The following AGAP1 variants were observed in gnomAD, a reference collection of about 807,000 sequenced individuals.
The protein encoded by AGAP1 is ArfGAP with GTPase domain, ankyrin repeat and PH domain 1.
A neutral mutation model predicts 105.3 loss-of-function variants in AGAP1; 29 were observed. The ratio of observed to expected loss-of-function variants is 0.28; its 90% confidence interval spans 0.21 to 0.38. The LOEUF (loss-of-function observed/expected upper bound fraction) is 0.38. AGAP1 is among the 10% of genes least tolerant of loss of function. The pLI is 1.00. For missense variants in AGAP1, 998 were observed against 1,165.1 expected, an observed-to-expected ratio of 0.86 and a Z score of 2.09; for synonymous variants, 509 against 485.9, an observed-to-expected ratio of 1.05 and a Z score of -0.63.
intron 1 of AGAP1, among the ~76,000 whole-genome samples, chr2:235,676,503 TTGTAGGATC>T (rs1948744041): frequency 6.6e-6 from 1 of 152,214 alleles, no homozygotes; most frequent in South Asian, 2.1e-4. Context: ...GAGCTGGATC[TTGTAGGATC>T]TGTAGGAGTT....
Position 235,723,866 on chromosome 2 carries a change from G to A in AGAP1, c.310+6222G>A, listed in dbSNP as rs1951515739. 6.6e-6 allele frequency among the ~76,000 whole-genome samples: 1 copy of A among 152,142 alleles called. No homozygotes were observed. Among genetic ancestry groups the A allele is most frequent in the African/African-American group, 2.4e-5 (1 of 41,444 alleles). On this transcript the variant is annotated intron_variant, in intron 3 of 17. Coordinates refer to ENST00000304032, the MANE Select transcript of AGAP1 (RefSeq NM_001037131.3). The surrounding 1 kb of genome is among the most constrained non-coding windows in gnomAD (Gnocchi z 6.2). ...CCAAGCTGCAAAATGAAAGTACCGA[G>A]AGGAAGGTGGGCCATCTGAGAGCCG...
rs2058229386 is a variant in AGAP1, at chr2:236,062,510, C to CT, written c.2114+13230dup. Among the ~76,000 whole-genome samples, 1 of 151,982 alleles carries CT rather than the reference C, an allele frequency of 6.6e-6. No individual in the cohort carries two copies. Among genetic ancestry groups the CT allele is most frequent in the African/African-American group, 2.4e-5 (1 of 41,334 alleles). On this transcript the variant is annotated intron_variant, in intron 16 of 17. Coordinates refer to ENST00000304032, the MANE Select transcript of AGAP1 (RefSeq NM_001037131.3). The surrounding 1 kb of genome is among the most constrained non-coding windows in gnomAD (Gnocchi z 4.2). ...TTTTTTTTAGAAACAGAATCTCACT[C>CT]TATCACACAGGCTTGAATGCAGTGG... is the stretch of plus-strand genomic sequence containing the variant.
intron 1 of AGAP1, among the ~76,000 whole-genome samples, chr2:235,688,658 C>T (rs1215257348): frequency 1.3e-5 from 2 of 152,186 alleles, no homozygotes; most frequent in Admixed American, 1.3e-4. Flanking sequence ...TTCAGATTTT[C>T]GTCATGACCA....
intron 1 of AGAP1, among the ~76,000 whole-genome samples, chr2:235,645,877 T>A (rs1947367009): frequency 6.6e-6 from 1 of 152,202 alleles, no homozygotes. Context: ...GAATTATAGC[T>A]TGAGATAAGG....
At chr2:236,112,589 A>G (rs556368602) in intron 16 of AGAP1, among the ~76,000 whole-genome samples, 64 of 152,126 alleles carry the variant, frequency 4.2e-4, no homozygotes, top group Non-Finnish European at 8.2e-4. Context: ...CTGTCTGTGC[A>G]GCACCTGCTT....
chr2:235,702,994 C>G (rs1950335087), intron 1 of AGAP1, among the ~76,000 whole-genome samples: 1 of 135,768 alleles, frequency 7.4e-6, no homozygotes, highest in South Asian at 2.6e-4. Flanking sequence ...GTGGCGCAAT[C>G]TCAGCTCACT....
At chr2:235,678,658 G>T (rs995842455) in intron 1 of AGAP1, among the ~76,000 whole-genome samples, 9 of 151,992 alleles carry the variant, frequency 5.9e-5, no homozygotes, top group African/African-American at 2.2e-4. Context: ...CTTCTCTCAG[G>T]GGGTAGTTTT....
At chr2:235,917,146 T>C (rs1490700970) in intron 11 of AGAP1, among the ~76,000 whole-genome samples, 1 of 152,182 alleles carries the variant, frequency 6.6e-6, no homozygotes, top group Non-Finnish European at 1.5e-5. Flanking sequence ...AAAGGAATCC[T>C]TTCCCCTTCT....
chr2:236,106,551 G>A (rs550589162), intron 16 of AGAP1, among the ~76,000 whole-genome samples: 1 of 152,366 alleles, frequency 6.6e-6, no homozygotes, highest in East Asian at 1.9e-4. Context: ...GCTTCGAGAA[G>A]GGTGGGCTCT....
At chr2:235,630,265 G>A (rs1379803559) in intron 1 of AGAP1, among the ~76,000 whole-genome samples, 1 of 152,054 alleles carries the variant, frequency 6.6e-6, no homozygotes, top group Non-Finnish European at 1.5e-5. Flanking sequence ...CCAGGCTGGA[G>A]TGCAATGGCA....
intron 1 of AGAP1, among the ~76,000 whole-genome samples, chr2:235,644,181 A>G (rs537230842): frequency 3.2e-4 from 49 of 152,242 alleles, no homozygotes; most frequent in Non-Finnish European, 5.9e-4. Flanking sequence ...GTGGTTGGGA[A>G]GTACTGGATG....
At position 235,568,154 on chromosome 2, in the gene AGAP1, C is replaced by T. The variant is rs1944406380; in HGVS notation, c.163+73305C>T. 2.6e-5 allele frequency among the ~76,000 whole-genome samples: 4 copies of T among 152,224 alleles called. No individual in the cohort carries two copies. The South Asian group carries it at 8.3e-4, about 32-fold the overall frequency. On this transcript the variant is annotated intron_variant, in intron 1 of 17. Coordinates refer to ENST00000304032, the MANE Select transcript of AGAP1 (RefSeq NM_001037131.3). ...TGGACAGCATCCTGAGCTGCAGCCT[C>T]CATGAAAGGAGGCCCCTGAAGGTGG...
rs115318764 is a variant in AGAP1, at chr2:235,518,416, C to G, written c.163+23567C>G. 8.8e-3 allele frequency among the ~76,000 whole-genome samples: 1,333 copies of G among 152,300 alleles called. 19 individuals carry two copies. Among genetic ancestry groups the G allele is most frequent in the African/African-American group, 0.031 (1,283 of 41,564 alleles). The stretch of plus-strand genomic sequence containing the variant: ...ATAAAATTGGCAATCAACCAAATTC[C>G]TTACCTCTCAAATTGCCTCTTCTGA... On this transcript the variant is annotated intron_variant, in intron 1 of 17. Transcript: ENST00000304032.
rs1000629746 is a variant in AGAP1 at position 235,777,281 on chromosome 2, C to T, written c.674-20478C>T. Among the ~76,000 whole-genome samples the T allele has an allele frequency of 2.6e-5, 4 of 152,096 alleles. No individual in the cohort carries two copies. The highest frequency in any genetic ancestry group is 4.4e-5 in the Non-Finnish European group (3 of 68,020). ...AGGAGAATCACTTGAGCCTGGGAGG[C>T]GGAGGTTGCAGTGAGCCGAGATTGC... On this transcript the variant is annotated intron_variant, in intron 6 of 17. Coordinates refer to ENST00000304032, the MANE Select transcript of AGAP1 (RefSeq NM_001037131.3). The surrounding 1 kb of genome is among the most constrained non-coding windows in gnomAD (Gnocchi z 5.1).
intron 9 of AGAP1, among the ~76,000 whole-genome samples, chr2:235,873,951 A>G (rs2049578150): frequency 6.6e-6 from 1 of 150,500 alleles, no homozygotes. Context: ...CTGGTCTCAA[A>G]CTCCTGGACT....
chr2:236,112,894 T>C (rs1372320450), intron 16 of AGAP1, among the ~76,000 whole-genome samples: 2 of 150,908 alleles, frequency 1.3e-5, no homozygotes, highest in Non-Finnish European at 3.0e-5. Flanking sequence ...CTGCTTCCGC[T>C]CTGCAGCCCT....
At chr2:235,604,572 CTTTTTTTT>C (rs1166523228) in intron 1 of AGAP1, among the ~76,000 whole-genome samples, 15 of 69,672 alleles carry the variant, frequency 2.2e-4, no homozygotes, top group African/African-American at 5.3e-4. Context: ...TTTTTATTAT[CTTTTTTTT>C]TTTTTTTTTT....
chr2:235,974,751 A>G (rs1479611439), intron 13 of AGAP1, among the ~76,000 whole-genome samples: 2 of 152,232 alleles, frequency 1.3e-5, no homozygotes, highest in Non-Finnish European at 2.9e-5. Flanking sequence ...CCCAGGACTT[A>G]GTTTCCCTTC....
At position 235,893,254 on chromosome 2, in the gene AGAP1, CCAT is replaced by C. The variant is rs780682871; in HGVS notation, c.1155+9809_1155+9811del. Among the ~76,000 whole-genome samples the C allele has an allele frequency of 3.3e-5, 5 of 150,746 alleles. No homozygotes were observed. Among genetic ancestry groups the C allele is most frequent in the Non-Finnish European group, 5.9e-5 (4 of 67,806 alleles). On this transcript the variant is annotated intron_variant, in intron 10 of 17. Coordinates refer to ENST00000304032, the MANE Select transcript of AGAP1 (RefSeq NM_001037131.3). The surrounding 1 kb of genome is among the most constrained non-coding windows in gnomAD (Gnocchi z 4.7). ...TGTCTGTAGCGCGGGTGTGCCATGTCCATCATAAGGAAGCGCCGTGTCTGTAGC... is the reference window on the plus strand; with the variant it reads ...TGTCTGTAGCGCGGGTGTGCCATGTCCATAAGGAAGCGCCGTGTCTGTAGC...
Sources: gnomAD v4.1 joint callset for allele counts (sites outside exome capture counted in the v4.1 genomes callset) on GRCh38, gnomAD v4.1.1 for gene constraint, Gnocchi (gnomAD v3.1) non-coding constraint, MANE v1.5 for transcripts, NCBI Gene and HGNC (gene_info 2026-07-23, HGNC 2026-07-21) for gene names.